Variants in DNAH8 observed in about 807,000 individuals in gnomAD.
DNAH8 encodes dynein axonemal heavy chain 8, also known as axonemal beta dynein heavy chain 8.
DNAH8 carries 382 observed loss-of-function variants against 562.1 expected under a neutral mutation model. The observed-to-expected ratio is 0.68, with a 90% confidence interval of 0.63 to 0.74. DNAH8 has a LOEUF of 0.74. DNAH8 is among the 30% of genes least tolerant of loss of function. The pLI is 0.00. For synonymous variants in DNAH8, 1,881 were observed against 1,919.4 expected, an observed-to-expected ratio of 0.98 and a Z score of 0.52; for missense variants, 5,203 against 5,620.4, an observed-to-expected ratio of 0.93 and a Z score of 2.37.
Position 38,898,537 on chromosome 6 carries a change from C to T in DNAH8, c.9063+157C>T, listed in dbSNP as rs529309793. Among the ~76,000 whole-genome samples the T allele has an allele frequency of 2.0e-5, 3 of 152,210 alleles. No homozygotes were observed. In the East Asian group the frequency reaches 5.8e-4, roughly 29 times the overall value. On this transcript the variant is annotated intron_variant, in intron 61 of 92. Transcript: ENST00000327475. Reference sequence around the variant, plus strand: ...AATTCACTGTCCCAGAAAATAAAGGCTTAATAGGAAACCCTTTATTTGAAT... The same window carrying T: ...AATTCACTGTCCCAGAAAATAAAGGTTTAATAGGAAACCCTTTATTTGAAT...
chr6:38,833,253 T>A (rs976360730), intron 31 of DNAH8, among the ~76,000 whole-genome samples: 13 of 152,052 alleles, frequency 8.5e-5, no homozygotes, highest in Non-Finnish European at 1.6e-4. Context: ...CTTTTTTTTT[T>A]AACATGTGCT....
In DNAH8 at chr6:38,911,510, A is replaced by G. The variant is rs1428603829; in HGVS notation, c.9783A>G (p.Ser3261=). 3 of 1,613,732 alleles carry G rather than the reference A, an allele frequency of 1.9e-6. No homozygotes were observed. The South Asian group carries it at 3.3e-5, about 18-fold the overall frequency. The change falls in exon 66 of 93, where the codon TCA becomes TCG. Residue 3261 remains serine, a synonymous_variant. Transcript: ENST00000327475. ...ATGTGACTCCCAAATCTTACCTCTC[A>G]TTTATAAATGGTTATAAAAACATTT... The part of the protein sequence containing the change: ...RAHVTPKSYL[S]FINGYKNIYA...
At chr6:38,752,762 T>A (rs1015502157) in intron 9 of DNAH8, among the ~76,000 whole-genome samples, 1 of 152,054 alleles carries the variant, frequency 6.6e-6, no homozygotes, top group Admixed American at 6.6e-5. Flanking sequence ...CAGTTGAGAG[T>A]CTTGGACAAG....
chr6:38,821,450 C>T (rs778680196), intron 26 of DNAH8, among the ~76,000 whole-genome samples: 17 of 151,930 alleles, frequency 1.1e-4, no homozygotes, highest in East Asian at 5.8e-4. Context: ...ACTTTTTTTG[C>T]GGAAGAAATT....
At chr6:38,757,648 G>A (rs1464821634) in intron 10 of DNAH8, among the ~76,000 whole-genome samples, 1 of 152,146 alleles carries the variant, frequency 6.6e-6, no homozygotes, top group Non-Finnish European at 1.5e-5. Flanking sequence ...GGTTTTTATG[G>A]TTTTAGGTCT....
At chr6:38,755,060 T>C (rs1765788120) in intron 9 of DNAH8, among the ~76,000 whole-genome samples, 1 of 152,134 alleles carries the variant, frequency 6.6e-6, no homozygotes, top group Admixed American at 6.5e-5. Context: ...ACATTTTGTT[T>C]CTCTCTTTTT....
chr6:38,902,722 T>A (rs1348052160), intron 62 of DNAH8, among the ~76,000 whole-genome samples: 1 of 152,092 alleles, frequency 6.6e-6, no homozygotes, highest in African/African-American at 2.4e-5. Flanking sequence ...TAACAGCAGA[T>A]GAAGTGGGAA....
chr6:38,832,531 G>A (rs1773929215), intron 31 of DNAH8, 96 bp downstream of exon 31: 1 of 705,504 alleles, frequency 1.4e-6, no homozygotes, highest in Admixed American at 2.4e-5. Context: ...TACGTTGCAT[G>A]TATGTGGCTA....
chr6:38,947,989 C>T (rs1761570991), intron 80 of DNAH8, among the ~76,000 whole-genome samples: 1 of 152,172 alleles, frequency 6.6e-6, no homozygotes, highest in African/African-American at 2.4e-5. Flanking sequence ...CTCAGGCACT[C>T]TGCCCGCCTC....
rs1307752575 is a variant in DNAH8, at chr6:38,938,199, T to G, written c.11789T>G (p.Leu3930Trp). The part of the protein sequence containing the change: ...IMYQTSLAQF[L>W]KLFDQSMARS... ...TATCAGACGTCATTGGCCCAGTTCT[T>G]GAAGTTATTTGACCAGTCCATGGCC... Residue 3930 changes from leucine to tryptophan, a missense_variant, in exon 78 of 93, where the codon TTG becomes TGG. Coordinates refer to ENST00000327475, the MANE Select transcript of DNAH8 (RefSeq NM_001206927.2). 2 of 1,613,270 alleles carry G rather than the reference T, an allele frequency of 1.2e-6. No individual in the cohort carries two copies. The highest frequency in any genetic ancestry group is 1.7e-6 in the Non-Finnish European group (2 of 1,179,844).
In DNAH8 at chr6:38,845,648, C is replaced by T; in HGVS notation, c.4920C>T (p.Asn1640=). The change falls in exon 36 of 93, where the codon AAC becomes AAT. Residue 1640 remains asparagine, a synonymous_variant. Coordinates refer to ENST00000327475, the MANE Select transcript of DNAH8 (RefSeq NM_001206927.2). ...KLTQVIENWT[N]QNLSFAAFKG... is the part of the protein sequence containing the mutation. The stretch of plus-strand genomic sequence containing the variant: ...CTCAGGTGATTGAGAATTGGACCAA[C>T]CAAAATCTGAGTTTTGCAGCATTTA... The T allele has an allele frequency of 6.2e-7, 1 of 1,613,890 alleles. No homozygotes were observed.
At chr6:38,775,258 G>A (rs985348182) in intron 12 of DNAH8, among the ~76,000 whole-genome samples, 8 of 152,126 alleles carry the variant, frequency 5.3e-5, no homozygotes, top group African/African-American at 1.7e-4. Context: ...CACTGTGAGG[G>A]TTTCCCAGGT....
chr6:38,847,254 T>A (rs1775373345), intron 36 of DNAH8, among the ~76,000 whole-genome samples: 1 of 152,122 alleles, frequency 6.6e-6, no homozygotes, highest in African/African-American at 2.4e-5. Context: ...AAACTAGCTA[T>A]GCTCGATTTT....
Position 38,945,496 on chromosome 6 carries a change from C to G in DNAH8, c.12037C>G (p.Pro4013Ala). Residue 4013 changes from proline (P) to alanine (A), a missense_variant, in exon 80 of 93, where the codon CCT becomes GCT. Around this residue, in one of 6 missense-constraint regions of DNAH8, gnomAD observed 1,399 missense variants for 1,518.4 expected, o/e 0.92. Transcript: ENST00000327475. ...GGAALDLKACPPKPYRWILDM... is the reference protein window; with the variant it reads ...GGAALDLKACAPKPYRWILDM... The stretch of plus-strand genomic sequence containing the variant: ...AGCAGCTCTGGACCTGAAAGCCTGT[C>G]CTCCCAAACCCTATCGCTGGATCCT... 1 of 1,614,182 alleles carries G rather than the reference C, an allele frequency of 6.2e-7. No individual in the cohort carries two copies.
chr6:38,864,435 G>GTT (rs1043484255), intron 45 of DNAH8, among the ~76,000 whole-genome samples: 9 of 152,174 alleles, frequency 5.9e-5, no homozygotes, highest in African/African-American at 2.2e-4. Flanking sequence ...AAGCCACAAG[G>GTT]TTTATCTCTC....
chr6:38,892,132 C>G (rs1779378811), intron 58 of DNAH8, among the ~76,000 whole-genome samples: 1 of 152,124 alleles, frequency 6.6e-6, no homozygotes, highest in African/African-American at 2.4e-5. Context: ...CCCCCTTCTT[C>G]TTTCCCTCCT....
Position 38,785,999 on chromosome 6 carries a change from A to G in DNAH8, c.2396-766A>G, listed in dbSNP as rs552207814. On this transcript the variant is annotated intron_variant, in intron 17 of 92. Coordinates refer to ENST00000327475, the MANE Select transcript of DNAH8 (RefSeq NM_001206927.2). ...ATTTGGTAATTGTGATAAAATTCTC[A>G]TGTTAGTAGTGTTTGTTAATACAAG... Among the ~76,000 whole-genome samples, 6 of 152,342 alleles carry G rather than the reference A, an allele frequency of 3.9e-5. No individual in the cohort carries two copies. In the East Asian group the frequency reaches 9.6e-4, roughly 24 times the overall value.
At chr6:38,743,095 G>T (rs1461246354) in intron 8 of DNAH8, among the ~76,000 whole-genome samples, 1 of 139,734 alleles carries the variant, frequency 7.2e-6, no homozygotes, top group Non-Finnish European at 1.5e-5. Flanking sequence ...ACGGCTCACT[G>T]CAGCCTCAAC....
chr6:39,020,697 G>T (rs567383348), intron 91 of DNAH8, among the ~76,000 whole-genome samples: 1 of 152,188 alleles, frequency 6.6e-6, no homozygotes, highest in South Asian at 2.1e-4. Context: ...AGGCCTCAGT[G>T]TGTGTGTTCC....
Sources: allele counts gnomAD v4.1 joint callset (sites outside exome capture counted in the v4.1 genomes callset), GRCh38; gene constraint gnomAD v4.1.1; regional missense constraint gnomAD v4.1.1; transcripts MANE v1.5; gene names NCBI Gene and HGNC (gene_info 2026-07-23, HGNC 2026-07-21).